The following TACO1 variants were observed in gnomAD, a reference collection of about 807,000 sequenced individuals.
TACO1 encodes translational activator of cytochrome c oxidase I, also known as translational activator of cytochrome c oxidase 1.
A neutral mutation model predicts 24.0 loss-of-function variants in TACO1; 13 were observed. The ratio of observed to expected loss-of-function variants is 0.54; its 90% CI spans 0.35 to 0.86. The LOEUF is 0.86. TACO1 is among the 40% of genes least tolerant of loss of function. TACO1 has a pLI of 0.01. For synonymous variants in TACO1, 149 were observed against 153.5 expected, an observed-to-expected ratio of 0.97 and a Z score of 0.22; for missense variants, 352 against 380.1, an observed-to-expected ratio of 0.93 and a Z score of 0.61.
In TACO1 at chr17:63,607,952, G is replaced by A; in HGVS notation, c.844G>A (p.Ala282Thr). 1.9e-6 allele frequency: 3 copies of A among 1,614,160 alleles called. No individual in the cohort carries two copies. Among genetic ancestry groups the A allele is most frequent in the Middle Eastern group, 1.7e-4 (1 of 6,060 alleles). Residue 282 changes from alanine (A) to threonine (T), a missense_variant, in exon 5 of 5, where the codon GCT becomes ACT. Ala to Thr is a moderately conservative substitution (Grantham distance 58, BLOSUM62 0). Transcript: ENST00000258975. The stretch of plus-strand genomic sequence containing the variant: ...GGAACAGGCCGCACATCTCATTCAG[G>A]CTCTCAGCAACCACGAGGATGTGAT... ...DLEQAAHLIQALSNHEDVIHV... is the reference protein window; with the variant it reads ...DLEQAAHLIQTLSNHEDVIHV...
Position 63,606,567 on chromosome 17 carries a change from C to T in TACO1, c.515+127C>T, listed in dbSNP as rs570759754. 546 of 1,224,152 alleles carry T rather than the reference C, an allele frequency of 4.5e-4. 4 individuals carry two copies. In the South Asian group the frequency reaches 5.2e-3, roughly 12 times the overall value. 75.8% of individuals were successfully genotyped at this position (1,224,152 alleles called of 1,614,324 possible). ...TTTTTTGTTTTTTTGTTTTTTGAGACGGAGTCTCACTCTTGTCGCCCAGGC... is the reference window on the plus strand; with the variant it reads ...TTTTTTGTTTTTTTGTTTTTTGAGATGGAGTCTCACTCTTGTCGCCCAGGC... On this transcript the variant is annotated intron_variant, in intron 3 of 4. Coordinates refer to ENST00000258975, the MANE Select transcript of TACO1 (RefSeq NM_016360.4).
chr17:63,604,409 A>T, intron 1 of TACO1, 125 bp from the exon 2 acceptor site: 1 of 796,492 alleles, frequency 1.3e-6, no homozygotes, highest in East Asian at 2.5e-5. Context: ...ATTCTAAGGT[A>T]ACTGAGAGCT....
Position 63,607,971 on chromosome 17 carries a change from A to T in TACO1, c.863A>T (p.Asp288Val). 6.2e-7 allele frequency: 1 copy of T among 1,614,192 alleles called. No individual in the cohort carries two copies. The highest frequency in any genetic ancestry group is 8.5e-7 in the Non-Finnish European group (1 of 1,180,040). The change falls in exon 5 of 5, where the codon GAT (aspartate) becomes GTT (valine). Residue 288 changes from aspartate to valine, a missense_variant. Transcript: ENST00000258975. ...HLIQALSNHE[D>V]VIHVYDNIE ...ATTCAGGCTCTCAGCAACCACGAGGATGTGATTCACGTCTATGATAACATT... is the reference window on the plus strand; with the variant it reads ...ATTCAGGCTCTCAGCAACCACGAGGTTGTGATTCACGTCTATGATAACATT...
rs2033819230 is a variant in TACO1 at position 63,601,305 on chromosome 17, C to T, written c.222C>T (p.Asp74=). 34 of 1,613,064 alleles carry T rather than the reference C, an allele frequency of 2.1e-5. No individual in the cohort carries two copies. The highest frequency in any genetic ancestry group is 2.9e-5 in the Non-Finnish European group (34 of 1,179,978). Residue 74 remains aspartate, a synonymous_variant, in exon 1 of 5, where the codon GAC becomes GAT. Coordinates refer to ENST00000258975, the MANE Select transcript of TACO1 (RefSeq NM_016360.4). ...SKVRHIKGPK[D]VERSRIFSKL... is the part of the protein sequence containing the mutation. ...TCAGGCACATCAAGGGTCCGAAGGA[C>T]GTCGAAAGGAGTCGCATCTTCTCCA...
intron 2 of TACO1, 96 bp downstream of exon 2, chr17:63,604,736 A>G: frequency 2.7e-6 from 3 of 1,126,598 alleles, no homozygotes; most frequent in Non-Finnish European, 4.0e-6. Flanking sequence ...CAGAGGGGCC[A>G]AGTGCAGTGG....
Position 63,601,458 on chromosome 17 carries a change from C to T in TACO1, c.280+95C>T, listed in dbSNP as rs368941726. 815 of 1,371,746 alleles carry T rather than the reference C, an allele frequency of 5.9e-4. 17 individuals carry two copies. The South Asian group carries it at 9.7e-3, about 16-fold the overall frequency. The allele number at this position is 1,371,746 out of a possible 1,614,324, so 85.0% of individuals were successfully genotyped here. ...TCGGAATTGGGCCCACCTAGATCTC[C>T]GGCCCTTCACTTTGTTTTCCTTCCC... On this transcript the variant is annotated intron_variant, in intron 1 of 4. Coordinates refer to ENST00000258975, the MANE Select transcript of TACO1 (RefSeq NM_016360.4).
chr17:63,604,962 C>T (rs950139920), intron 2 of TACO1, among the ~76,000 whole-genome samples: 11 of 150,702 alleles, frequency 7.3e-5, no homozygotes, highest in Admixed American at 1.3e-4. Context: ...TGCGGTGAGC[C>T]GAGATTGCAC....
chr17:63,605,362 C>T (rs1229678230), intron 2 of TACO1, among the ~76,000 whole-genome samples: 2 of 152,034 alleles, frequency 1.3e-5, no homozygotes, highest in African/African-American at 4.8e-5. Flanking sequence ...ATAGAGTCCA[C>T]GTAAGGGTAC....
Position 63,608,266 on chromosome 17 carries a change from C to CT in TACO1, c.*265dup. On this transcript the variant is annotated 3_prime_UTR_variant, in exon 5 of 5. Transcript: ENST00000258975. ...GCAGGACCACCCAGCTGGTCAGACT[C>CT]TGATGTTGGGTAGCTGGCCTCTGTG... 1 of 526,804 alleles carries CT rather than the reference C, an allele frequency of 1.9e-6. No homozygotes were observed. The allele number at this position is 526,804 out of a possible 1,614,324, so 32.6% of individuals were successfully genotyped here. A position where few individuals can be genotyped will look rare whatever the true frequency, so the allele number is the denominator to read the frequency against.
At position 63,601,246 on chromosome 17, in the gene TACO1, G is replaced by A. The variant is rs764533910; in HGVS notation, c.163G>A (p.Ala55Thr). 4.4e-6 allele frequency: 7 copies of A among 1,608,264 alleles called. No homozygotes were observed. Among genetic ancestry groups the A allele is most frequent in the Non-Finnish European group, 5.9e-6 (7 of 1,177,876 alleles). Residue 55 changes from alanine to threonine, a missense_variant, in exon 1 of 5, where the codon GCT becomes ACT. Physicochemically the swap from Ala to Thr is moderately conservative, Grantham distance 58. Coordinates refer to ENST00000258975, the MANE Select transcript of TACO1 (RefSeq NM_016360.4). ...GGGCAGGACGCTGCACTTTACCGCG[G>A]CTGTCCCCGCCGGGCACAACAAGTG... ...APGRTLHFTA[A>T]VPAGHNKWSK...
Position 63,607,283 on chromosome 17 carries a change from T to A in TACO1, c.516-4T>A. On this transcript the variant is annotated splice_polypyrimidine_tract_variant and splice_region_variant and intron_variant, in intron 3 of 4. Transcript: ENST00000258975. ...TCATGCCAGCCTGTTTCCTTCCCTGTCAGAGGAGTGATGGCTGTAGGAGCT... is the reference window on the plus strand; with the variant it reads ...TCATGCCAGCCTGTTTCCTTCCCTGACAGAGGAGTGATGGCTGTAGGAGCT... 6.2e-7 allele frequency: 1 copy of A among 1,613,360 alleles called. No homozygotes were observed. Among genetic ancestry groups the A allele is most frequent in the Non-Finnish European group, 8.5e-7 (1 of 1,179,902 alleles).
At position 63,601,031 on chromosome 17, in the gene TACO1, C is replaced by T. The variant is rs986686411; in HGVS notation, c.-53C>T. The T allele has an allele frequency of 8.2e-5, 125 of 1,530,660 alleles. 1 individual carries two copies. In the Middle Eastern group the frequency reaches 1.6e-3, roughly 20 times the overall value. The allele number at this position is 1,530,660 out of a possible 1,614,324, so 94.8% of individuals were successfully genotyped here. ...CTGCTTGTTCCGGCAGTGGAAGAGA[C>T]GCGCCGGCGTTGGCCGCTGCTGCTA... On this transcript the variant is annotated 5_prime_UTR_variant, in exon 1 of 5. It adds an upstream start codon to the 5' untranslated region. Transcript: ENST00000258975.
chr17:63,600,971 C>A lies in TACO1; in HGVS notation c.-113C>A. The A allele has an allele frequency of 1.5e-6, 2 of 1,297,690 alleles. No individual in the cohort carries two copies. Among genetic ancestry groups the A allele is most frequent in the South Asian group, 1.3e-5 (1 of 76,658 alleles). The allele number at this position is 1,297,690 out of a possible 1,614,324, so 80.4% of individuals were successfully genotyped here. Reference sequence around the variant, plus strand: ...CGGGCGGGCCCAAGCCTTTGGATCTCAGGTGACCGGCACAGGCGGCCGCGG... The same window carrying A: ...CGGGCGGGCCCAAGCCTTTGGATCTAAGGTGACCGGCACAGGCGGCCGCGG... On this transcript the variant is annotated 5_prime_UTR_variant, in exon 1 of 5. Coordinates refer to ENST00000258975, the MANE Select transcript of TACO1 (RefSeq NM_016360.4).
In TACO1 at chr17:63,606,319, A is replaced by G; in HGVS notation, c.394A>G (p.Lys132Glu). 1 of 1,613,390 alleles carries G rather than the reference A, an allele frequency of 6.2e-7. No homozygotes were observed. The highest frequency in any genetic ancestry group is 8.5e-7 in the Non-Finnish European group (1 of 1,180,040). ...CTTGTGTTGTTTATTGCAGAAATCC[A>G]AGGACACTTATTTGCTGTATGAGGG... is the stretch of plus-strand genomic sequence containing the variant. ...IETALKMEKS[K>E]DTYLLYEGRG... Residue 132 changes from lysine to glutamate, a missense_variant, in exon 3 of 5, where the codon AAG becomes GAG. Transcript: ENST00000258975.
rs1453147936 is a variant in TACO1 at position 63,601,232 on chromosome 17, T to A, written c.149T>A (p.Leu50Gln). 6.2e-7 allele frequency: 1 copy of A among 1,602,868 alleles called. No homozygotes were observed. The highest frequency in any genetic ancestry group is 1.7e-5 in the Admixed American group (1 of 58,310). ...RGCGAAPGRT[L>Q]HFTAAVPAGH... The stretch of plus-strand genomic sequence containing the variant: ...TGCGGTGCCGCTCCGGGCAGGACGC[T>A]GCACTTTACCGCGGCTGTCCCCGCC... The change falls in exon 1 of 5, where the codon CTG (leucine) becomes CAG (glutamine). Residue 50 changes from leucine (L) to glutamine (Q), a missense_variant. Leu to Gln is a moderately radical substitution (Grantham distance 113, BLOSUM62 -2). Transcript: ENST00000258975.
At chr17:63,605,552 T>C (rs1248415420) in intron 2 of TACO1, among the ~76,000 whole-genome samples, 2 of 152,206 alleles carry the variant, frequency 1.3e-5, no homozygotes, top group Non-Finnish European at 2.9e-5. Context: ...GTGAGTTGAC[T>C]CAAGTCGCAT....
At chr17:63,602,394 G>A (rs563424512) in intron 1 of TACO1, among the ~76,000 whole-genome samples, 1 of 152,174 alleles carries the variant, frequency 6.6e-6, no homozygotes, top group South Asian at 2.1e-4. Context: ...CCCACCTTGA[G>A]GTAGTTTATG....
At position 63,604,574 on chromosome 17, in the gene TACO1, T is replaced by C. The variant is rs559777674; in HGVS notation, c.321T>C (p.Asn107=). Reference sequence around the variant, plus strand: ...CTGAGCACAACAGCAACCTGGCCAATATCTTAGAGGTGTGTCGCAGCAAAC... The same window carrying C: ...CTGAGCACAACAGCAACCTGGCCAACATCTTAGAGGTGTGTCGCAGCAAAC... ...PNPEHNSNLA[N]ILEVCRSKHM... is the part of the protein sequence containing the mutation. The change falls in exon 2 of 5, where the codon AAT becomes AAC. Residue 107 remains asparagine, a synonymous_variant. Transcript: ENST00000258975. 6.2e-7 allele frequency: 1 copy of C among 1,614,046 alleles called. No homozygotes were observed. The highest frequency in any genetic ancestry group is 1.7e-5 in the Admixed American group (1 of 59,996).
chr17:63,607,408 G>A lies in TACO1; in HGVS notation c.637G>A (p.Ala213Thr). ...GCGTGCCCTGGAGATGGCAATCGAA[G>A]CAGGAGCTGAGGATGTCAAGGAAAC... ...LERALEMAIEAGAEDVKETED... is the reference protein window; with the variant it reads ...LERALEMAIETGAEDVKETED... Residue 213 changes from alanine to threonine, a missense_variant, in exon 4 of 5, where the codon GCA becomes ACA. Ala to Thr is a moderately conservative substitution (Grantham distance 58). Coordinates refer to ENST00000258975, the MANE Select transcript of TACO1 (RefSeq NM_016360.4). 6.2e-7 allele frequency: 1 copy of A among 1,614,240 alleles called. No individual in the cohort carries two copies. The highest frequency in any genetic ancestry group is 1.3e-5 in the African/African-American group (1 of 75,056).
Sources: allele counts gnomAD v4.1 joint callset (sites outside exome capture counted in the v4.1 genomes callset), GRCh38; gene constraint gnomAD v4.1.1; transcripts MANE v1.5; gene names NCBI Gene and HGNC (gene_info 2026-07-23, HGNC 2026-07-21).